Variants in ATP8A2 observed in about 807,000 individuals in gnomAD.
ATP8A2 encodes phospholipid-transporting ATPase IB.
A neutral mutation model predicts 165.6 loss-of-function variants in ATP8A2; 100 were observed. The ratio of observed to expected loss-of-function variants is 0.60; its 90% CI spans 0.51 to 0.71. The LOEUF is 0.71. ATP8A2 is among the 30% of genes least tolerant of loss of function. ATP8A2 has a pLI of 0.00. For missense variants in ATP8A2, 1,227 were observed against 1,479.5 expected (o/e 0.83, Z 2.80); for synonymous variants, 543 against 548.8 (o/e 0.99, Z 0.15).
chr13:25,778,550 C>T (rs1467195643), intron 27 of ATP8A2, among the ~76,000 whole-genome samples: 1 of 152,242 alleles, frequency 6.6e-6, no homozygotes, highest in Non-Finnish European at 1.5e-5. Context: ...CCGCTAGTTT[C>T]ACTTCCTTGA....
At chr13:25,895,284 G>A (rs9511972) in intron 33 of ATP8A2, among the ~76,000 whole-genome samples, 18,031 of 152,026 alleles carry the variant, frequency 0.12, 1,430 homozygotes, top group Non-Finnish European at 0.18. Context: ...TGCATCTATT[G>A]AGATAATCAT....
At chr13:25,840,653 C>T (rs1346328551) in intron 30 of ATP8A2, among the ~76,000 whole-genome samples, 1 of 152,098 alleles carries the variant, frequency 6.6e-6, no homozygotes, top group African/African-American at 2.4e-5. Context: ...ACTTGAAACC[C>T]TTCTTGTGAT....
At chr13:25,448,295 A>G (rs760132954) in intron 1 of ATP8A2, among the ~76,000 whole-genome samples, 5 of 152,246 alleles carry the variant, frequency 3.3e-5, no homozygotes, top group Non-Finnish European at 7.3e-5. Context: ...GCTCATTTTA[A>G]TGGAACATTT....
At chr13:25,611,324 T>A (rs996823737) in intron 24 of ATP8A2, among the ~76,000 whole-genome samples, 62 of 152,178 alleles carry the variant, frequency 4.1e-4, no homozygotes, top group African/African-American at 1.4e-3. Context: ...GTCCCTTGTA[T>A]GCCGATTTTG....
At chr13:25,766,939 G>T (rs1344868158) in intron 25 of ATP8A2, among the ~76,000 whole-genome samples, 1 of 152,168 alleles carries the variant, frequency 6.6e-6, no homozygotes. Context: ...ATCCCATGAG[G>T]TGGCTGGTTC....
chr13:25,974,589 T>C (rs1955985856), intron 35 of ATP8A2, among the ~76,000 whole-genome samples: 1 of 151,936 alleles, frequency 6.6e-6, no homozygotes, highest in Non-Finnish European at 1.5e-5. Flanking sequence ...GTCCAGGCTG[T>C]CCCTTCTGCC....
chr13:25,974,924 C>T (rs1955998053), intron 35 of ATP8A2, among the ~76,000 whole-genome samples: 1 of 152,136 alleles, frequency 6.6e-6, no homozygotes, highest in Admixed American at 6.5e-5. Flanking sequence ...CTCATCATGC[C>T]ACCTTCTGCC....
At chr13:25,789,848 A>G (rs1225223374) in intron 27 of ATP8A2, among the ~76,000 whole-genome samples, 3 of 152,224 alleles carry the variant, frequency 2.0e-5, no homozygotes, top group Admixed American at 2.0e-4. Flanking sequence ...GGCTACAGTA[A>G]CCCAAACAGC....
intron 33 of ATP8A2, among the ~76,000 whole-genome samples, chr13:25,892,375 C>T (rs531680436): frequency 3.6e-4 from 55 of 152,164 alleles, no homozygotes; most frequent in African/African-American, 1.2e-3. Context: ...ATGAGACATT[C>T]AATTTGGCTT....
intron 24 of ATP8A2, among the ~76,000 whole-genome samples, chr13:25,630,078 T>TC (rs34642362): frequency 0.016 from 2,377 of 147,976 alleles, 41 homozygotes; most frequent in Non-Finnish European, 0.02. Flanking sequence ...CACCTTTTTG[T>TC]CCCCCCCCCA....
At chr13:25,581,002 A>G (rs1293803604) in intron 22 of ATP8A2, among the ~76,000 whole-genome samples, 1 of 152,202 alleles carries the variant, frequency 6.6e-6, no homozygotes, top group Non-Finnish European at 1.5e-5. Flanking sequence ...AAATGAACTG[A>G]ATAAATCTGA....
At chr13:25,860,322 C>T (rs1159084769) in intron 31 of ATP8A2, 66 bp downstream of exon 31, 17 of 979,054 alleles carry the variant, frequency 1.7e-5, no homozygotes, top group Non-Finnish European at 2.7e-5. Flanking sequence ...CTTCTCTAAA[C>T]CCTTAAAAAG....
intron 24 of ATP8A2, among the ~76,000 whole-genome samples, chr13:25,641,140 C>T (rs1219992871): frequency 2.0e-5 from 3 of 152,110 alleles, no homozygotes; most frequent in Admixed American, 6.5e-5. Context: ...AAACCCACAG[C>T]CAATATCATA....
intron 6 of ATP8A2, among the ~76,000 whole-genome samples, chr13:25,535,200 G>A (rs2038238771): frequency 6.6e-6 from 1 of 152,188 alleles, no homozygotes; most frequent in Non-Finnish European, 1.5e-5. Context: ...ACAGGAGAGG[G>A]CAGAGGTGTC....
chr13:25,910,489 T>A (rs1247570017), intron 33 of ATP8A2, among the ~76,000 whole-genome samples: 1 of 152,210 alleles, frequency 6.6e-6, no homozygotes, highest in African/African-American at 2.4e-5. Context: ...TGCAGTATGG[T>A]CAAAGCTGAG....
chr13:25,540,438 A>G, intron 8 of ATP8A2, 50 bp downstream of exon 8: 1 of 1,280,988 alleles, frequency 7.8e-7, no homozygotes, highest in Non-Finnish European at 1.1e-6. Flanking sequence ...ACAACTGCAA[A>G]TGTGGTCCCC....
intron 1 of ATP8A2, among the ~76,000 whole-genome samples, chr13:25,427,145 G>A (rs1395180746): frequency 1.3e-5 from 2 of 152,174 alleles, no homozygotes; most frequent in East Asian, 1.9e-4. Context: ...GGGCGAGCTA[G>A]CACGTGAAGC....
At chr13:25,684,611 T>C (rs2042562875) in intron 24 of ATP8A2, among the ~76,000 whole-genome samples, 1 of 152,268 alleles carries the variant, frequency 6.6e-6, no homozygotes, top group African/African-American at 2.4e-5. Flanking sequence ...TTCCAAGTAA[T>C]GTGAACAGTA....
At chr13:25,739,878 T>C (rs1281072628) in intron 25 of ATP8A2, among the ~76,000 whole-genome samples, 1 of 152,010 alleles carries the variant, frequency 6.6e-6, no homozygotes, top group Non-Finnish European at 1.5e-5. Flanking sequence ...GAAAAAATAA[T>C]GTAAAATGCA....
Sources: allele counts gnomAD v4.1 joint callset (sites outside exome capture counted in the v4.1 genomes callset), GRCh38; gene constraint gnomAD v4.1.1; transcripts MANE v1.5; gene names NCBI Gene and HGNC (gene_info 2026-07-23, HGNC 2026-07-21).